The following ZBED3 variants were observed in gnomAD, a reference collection of about 807,000 sequenced individuals.
The protein encoded by ZBED3 is zinc finger BED-type containing 3.
For missense variants in ZBED3, 388 were observed against 362.9 expected (o/e 1.07, Z -0.56); for synonymous variants, 175 against 180.0 (o/e 0.97, Z 0.22).
At chr5:77,080,514 G>T (rs1193563641) in intron 1 of ZBED3, 5 of 518,986 alleles carry the variant, frequency 9.6e-6, no homozygotes, top group South Asian at 7.0e-5. Flanking sequence ...CGATTTTGGA[G>T]GTCTTAACCG....
intron 1 of ZBED3, chr5:77,079,176 A>G (rs1262497895): frequency 1.3e-5 from 2 of 152,252 alleles, no homozygotes; most frequent in East Asian, 3.8e-4. Context: ...GATTCTAGAT[A>G]AATTTGCTTT....
chr5:77,078,660 A>C lies in ZBED3; in HGVS notation c.-84T>G, dbSNP rs1743073460. 1 of 152,204 alleles carries C rather than the reference A, an allele frequency of 6.6e-6. No individual in the cohort carries two copies. Among genetic ancestry groups the C allele is most frequent in the South Asian group, 2.1e-4 (1 of 4,826 alleles). The allele number at this position is 152,204 out of a possible 1,614,324, so 9.4% of individuals were successfully genotyped here. On this transcript the variant is annotated 5_prime_UTR_variant, in exon 2 of 3. Coordinates refer to ENST00000255198, the MANE Select transcript of ZBED3 (RefSeq NM_032367.4). ...TCCCTGTCATTGCCTCAGGGTTTCC[A>C]ACCATCTCAGGTGGGTAGAAACAAT...
rs1554048051 is a variant in ZBED3, at chr5:77,076,025, ATATATATGTATATATG to A, written c.*1133_*1148del. 1.4e-5 allele frequency: 1 copy of A among 72,550 alleles called. No homozygotes were observed. Among genetic ancestry groups the A allele is most frequent in the Non-Finnish European group, 2.8e-5 (1 of 35,150 alleles). 4.5% of individuals were successfully genotyped at this position (72,550 alleles called of 1,614,324 possible). A position where few individuals can be genotyped will look rare whatever the true frequency, so the allele number is the denominator to read the frequency against. On this transcript the variant is annotated 3_prime_UTR_variant, in exon 3 of 3. Transcript: ENST00000255198. The stretch of plus-strand genomic sequence containing the variant: ...TGTATATATATATGTATATATGTAT[ATATATATGTATATATG>A]TATATATATATATAATATATACACA...
rs537044281 is a variant in ZBED3, at chr5:77,075,092, T to A, written c.*2082A>T. 3.3e-5 allele frequency: 5 copies of A among 152,214 alleles called. No individual in the cohort carries two copies. In the South Asian group the frequency reaches 1.0e-3, roughly 32 times the overall value. 9.4% of individuals were successfully genotyped at this position (152,214 alleles called of 1,614,324 possible). ...GCAGCAAGGGATTGGGCATGAAGGT[T>A]TTCTCCAGGCCCGGGGAGAACACTC... On this transcript the variant is annotated 3_prime_UTR_variant, in exon 3 of 3. Transcript: ENST00000255198.
In ZBED3 at chr5:77,075,935, TTATATATACATATATATATATA is replaced by T. The variant is rs1742966385; in HGVS notation, c.*1217_*1238del. The T allele has an allele frequency of 4.7e-5, 1 of 21,168 alleles. No homozygotes were observed. Among genetic ancestry groups the T allele is most frequent in the Non-Finnish European group, 1.1e-4 (1 of 8,846 alleles). The allele number at this position is 21,168 out of a possible 1,614,324, so 1.3% of individuals were successfully genotyped here. ...GACATGCACCCTAGAACTTAAAGTA[TTATATATACATATATATATATA>T]TATATATATGTATATGTATATATGT... On this transcript the variant is annotated 3_prime_UTR_variant, in exon 3 of 3. Transcript: ENST00000255198.
At chr5:77,078,901 C>T (rs1743077326) in intron 1 of ZBED3, 173 bp from the exon 2 acceptor site, 1 of 152,166 alleles carries the variant, frequency 6.6e-6, no homozygotes, top group South Asian at 2.1e-4. Flanking sequence ...ATTGTTTGTG[C>T]TAACTAAAAG....
Position 77,077,362 on chromosome 5 carries a change from C to G in ZBED3, c.517G>C (p.Glu173Gln). 1 of 1,254,506 alleles carries G rather than the reference C, an allele frequency of 8.0e-7. No individual in the cohort carries two copies. The highest frequency in any genetic ancestry group is 1.0e-6 in the Non-Finnish European group (1 of 1,002,544). The allele number at this position is 1,254,506 out of a possible 1,614,324, so 77.7% of individuals were successfully genotyped here. ...GCCTGGGCCGCGGCGCGCTCTTCCTCCTGCAGCGCCCTCCGCCTCCGCTCC... is the reference window on the plus strand; with the variant it reads ...GCCTGGGCCGCGGCGCGCTCTTCCTGCTGCAGCGCCCTCCGCCTCCGCTCC... ...ALERRRRALQ[E>Q]EERAAAQARR... The change falls in exon 3 of 3, where the codon GAG becomes CAG. Residue 173 changes from glutamate (E) to glutamine (Q), a missense_variant. Glu to Gln is a conservative substitution (Grantham distance 29). Coordinates refer to ENST00000255198, the MANE Select transcript of ZBED3 (RefSeq NM_032367.4).
intron 1 of ZBED3, chr5:77,080,597 A>G (rs768444476): frequency 1.9e-5 from 10 of 519,236 alleles, no homozygotes; most frequent in Admixed American, 1.7e-4. Context: ...TTCTAGCTCA[A>G]TACAATCCTC....
In ZBED3 at chr5:77,074,452, T is replaced by G. The variant is rs922841879; in HGVS notation, c.*2722A>C. ...ACTTAGCAGAGCAGGCGCCCAGCAT[T>G]CAGCGAGACCACAGATTCTTAGCCA... On this transcript the variant is annotated 3_prime_UTR_variant, in exon 3 of 3. Transcript: ENST00000255198. 1 of 152,206 alleles carries G rather than the reference T, an allele frequency of 6.6e-6. No homozygotes were observed. Among genetic ancestry groups the G allele is most frequent in the Non-Finnish European group, 1.5e-5 (1 of 68,076 alleles). 9.4% of individuals were successfully genotyped at this position (152,206 alleles called of 1,614,324 possible).
At chr5:77,085,428 C>T (rs1743217513) in intron 1 of ZBED3, among the ~76,000 whole-genome samples, 1 of 152,224 alleles carries the variant, frequency 6.6e-6, no homozygotes, top group Non-Finnish European at 1.5e-5. Flanking sequence ...CTCAAAAGGA[C>T]ATAGCAGATT....
At chr5:77,081,338 C>CTT (rs5868851) in intron 1 of ZBED3, among the ~76,000 whole-genome samples, 3 of 143,372 alleles carry the variant, frequency 2.1e-5, no homozygotes, top group East Asian at 4.1e-4. Context: ...TTCTTTCTTT[C>CTT]TTTTTTTTTT....
In ZBED3 at chr5:77,077,350, C is replaced by G. The variant is rs1341204674; in HGVS notation, c.529G>C (p.Ala177Pro). Residue 177 changes from alanine (A) to proline (P), a missense_variant, in exon 3 of 3, where the codon GCC (alanine) becomes CCC (proline). Coordinates refer to ENST00000255198, the MANE Select transcript of ZBED3 (RefSeq NM_032367.4). ...RRRALQEEER[A>P]AAQARRELQA... ...AGTTCCCGGCGCGCCTGGGCCGCGG[C>G]GCGCTCTTCCTCCTGCAGCGCCCTC... 15 of 1,252,986 alleles carry G rather than the reference C, an allele frequency of 1.2e-5. No homozygotes were observed. The highest frequency in any genetic ancestry group is 4.3e-5 in the Admixed American group (1 of 23,392). 77.6% of individuals were successfully genotyped at this position (1,252,986 alleles called of 1,614,324 possible).
Position 77,077,067 on chromosome 5 carries a change from AGCGGCT to A in ZBED3, c.*101_*106del. The A allele has an allele frequency of 4.9e-6, 4 of 810,042 alleles. No homozygotes were observed. Among genetic ancestry groups the A allele is most frequent in the Non-Finnish European group, 6.7e-6 (4 of 595,812 alleles). 50.2% of individuals were successfully genotyped at this position (810,042 alleles called of 1,614,324 possible). A position where few individuals can be genotyped will look rare whatever the true frequency, so the allele number is the denominator to read the frequency against. Reference sequence around the variant, plus strand: ...AGTTAGCTGGAGCTTCCGAGTGAGTAGCGGCTGCGGGCCTGGCTTCGGTTACGGCTT... The same window carrying A: ...AGTTAGCTGGAGCTTCCGAGTGAGTAGCGGGCCTGGCTTCGGTTACGGCTT... On this transcript the variant is annotated 3_prime_UTR_variant, in exon 3 of 3. Transcript: ENST00000255198.
chr5:77,079,284 C>CCT (rs1452682255), intron 1 of ZBED3: 1 of 152,242 alleles, frequency 6.6e-6, no homozygotes, highest in Non-Finnish European at 1.5e-5. Flanking sequence ...GACCCAGGCA[C>CCT]AGTGAGATCA....
intron 2 of ZBED3, among the ~76,000 whole-genome samples, 179 bp from the exon 3 acceptor site, chr5:77,078,074 G>GA (rs900943638): frequency 5.3e-5 from 8 of 152,314 alleles, no homozygotes; most frequent in Admixed American, 2.6e-4. Flanking sequence ...TGATTCCTCA[G>GA]AAAAAACTGT....
chr5:77,077,627 C>T lies in ZBED3; in HGVS notation c.252G>A (p.Ala84=), dbSNP rs776015044. Residue 84 remains alanine (A), a synonymous_variant, in exon 3 of 3, where the codon GCG becomes GCA. Transcript: ENST00000255198. ...GGTGCCTCCACAACGCCGAGGTCCC[C>T]GCGTGGAAGCCCGGGCCGCGGCCCA... The part of the protein sequence containing the change: ...EQVGRGPGFH[A]GTSALWRHLR... 7 of 1,411,608 alleles carry T rather than the reference C, an allele frequency of 5.0e-6. No individual in the cohort carries two copies. Among genetic ancestry groups the T allele is most frequent in the Non-Finnish European group, 6.5e-6 (7 of 1,082,384 alleles). The allele number at this position is 1,411,608 out of a possible 1,614,324, so 87.4% of individuals were successfully genotyped here. A position where few individuals can be genotyped will look rare whatever the true frequency, so the allele number is the denominator to read the frequency against.
In ZBED3 at chr5:77,077,474, C is replaced by T; in HGVS notation, c.405G>A (p.Gln135=). Residue 135 remains glutamine (Q), a synonymous_variant, in exon 3 of 3, where the codon CAG becomes CAA. Transcript: ENST00000255198. Reference sequence around the variant, plus strand: ...TGCCGCGCACGGCCAGCGCGCCCATCTGTTCCAGCAGGCGCGCCCAGTCGC... The same window carrying T: ...TGCCGCGCACGGCCAGCGCGCCCATTTGTTCCAGCAGGCGCGCCCAGTCGC... ...PEGDWARLLE[Q]MGALAVRGSR... is the part of the protein sequence containing the mutation. 1.7e-6 allele frequency: 2 copies of T among 1,202,118 alleles called. No homozygotes were observed. Among genetic ancestry groups the T allele is most frequent in the Non-Finnish European group, 2.1e-6 (2 of 971,392 alleles). The allele number at this position is 1,202,118 out of a possible 1,614,324, so 74.5% of individuals were successfully genotyped here. A position where few individuals can be genotyped will look rare whatever the true frequency, so the allele number is the denominator to read the frequency against.
rs1370391029 is a variant in ZBED3 at position 77,075,340 on chromosome 5, T to C, written c.*1834A>G. 3 of 152,210 alleles carry C rather than the reference T, an allele frequency of 2.0e-5. No individual in the cohort carries two copies. Among genetic ancestry groups the C allele is most frequent in the Non-Finnish European group, 4.4e-5 (3 of 68,042 alleles). The allele number at this position is 152,210 out of a possible 1,614,324, so 9.4% of individuals were successfully genotyped here. ...GTGACTAGAGTTGAAACCAAAAGAATGTATGAACCTTGATGGGACCTGGTT... is the reference window on the plus strand; with the variant it reads ...GTGACTAGAGTTGAAACCAAAAGAACGTATGAACCTTGATGGGACCTGGTT... On this transcript the variant is annotated 3_prime_UTR_variant, in exon 3 of 3. Transcript: ENST00000255198.
rs564097051 is a variant in ZBED3, at chr5:77,074,836, G to C, written c.*2338C>G. 3.3e-5 allele frequency: 5 copies of C among 152,374 alleles called. No individual in the cohort carries two copies. Among genetic ancestry groups the C allele is most frequent in the Middle Eastern group, 3.4e-3 (1 of 294 alleles). The allele number at this position is 152,374 out of a possible 1,614,324, so 9.4% of individuals were successfully genotyped here. ...TCTATTGCTGGCCAGCTGTGATCTT[G>C]TACAGGATACTTAACCCCTTTCTAG... On this transcript the variant is annotated 3_prime_UTR_variant, in exon 3 of 3. Transcript: ENST00000255198.
Sources: allele counts gnomAD v4.1 joint callset (sites outside exome capture counted in the v4.1 genomes callset), GRCh38; gene constraint gnomAD v4.1.1; transcripts MANE v1.5; gene names NCBI Gene and HGNC (gene_info 2026-07-23, HGNC 2026-07-21).